NXPH1: variants seen among roughly 807,000 people sequenced by gnomAD.
NXPH1 encodes the protein neurexophilin-1.
A neutral mutation model predicts 23.7 loss-of-function variants in NXPH1; 5 were observed. The ratio of observed to expected loss-of-function variants is 0.21; its 90% CI spans 0.11 to 0.44. NXPH1 has a LOEUF of 0.44. NXPH1 is among the 20% of genes least tolerant of loss of function. The probability of loss-of-function intolerance (pLI) is 0.99; values close to 1 mark genes in which losing one functional copy is unlikely to be tolerated. For synonymous variants in NXPH1, 144 were observed against 122.2 expected, an observed-to-expected ratio of 1.18 and a Z score of -1.18; for missense variants, 324 against 321.6, an observed-to-expected ratio of 1.01 and a Z score of -0.06.
chr7:8,546,907 C>T (rs1425185082), intron 2 of NXPH1, among the ~76,000 whole-genome samples: 1 of 151,326 alleles, frequency 6.6e-6, no homozygotes, highest in Non-Finnish European at 1.5e-5. Context: ...TCTCTTTGAC[C>T]CTCAAATACT....
At chr7:8,577,822 T>G (rs1818784251) in intron 2 of NXPH1, among the ~76,000 whole-genome samples, 1 of 152,184 alleles carries the variant, frequency 6.6e-6, no homozygotes, top group Admixed American at 6.5e-5. Context: ...CTTGTTTCCT[T>G]GAATCACTTG....
chr7:8,465,117 C>T (rs144625142), intron 2 of NXPH1, among the ~76,000 whole-genome samples: 1 of 152,214 alleles, frequency 6.6e-6, no homozygotes, highest in African/African-American at 2.4e-5. Flanking sequence ...GAAAGGACAA[C>T]AGGAAAATTT....
At chr7:8,642,306 A>G (rs1212234544) in intron 2 of NXPH1, among the ~76,000 whole-genome samples, 1 of 152,232 alleles carries the variant, frequency 6.6e-6, no homozygotes, top group Non-Finnish European at 1.5e-5. Flanking sequence ...GTTGTCTTAC[A>G]GATTCCAATG....
chr7:8,680,992 C>A (rs1012123237), intron 2 of NXPH1, among the ~76,000 whole-genome samples: 4 of 152,204 alleles, frequency 2.6e-5, no homozygotes, highest in African/African-American at 9.6e-5. Context: ...TACAGATGAA[C>A]AAACTGAGGC....
intron 2 of NXPH1, among the ~76,000 whole-genome samples, chr7:8,731,818 A>G (rs1020839504): frequency 1.1e-4 from 17 of 152,326 alleles, no homozygotes; most frequent in Non-Finnish European, 1.6e-4. Context: ...TGCCCCAAGA[A>G]GTGGAGCCTA....
chr7:8,525,238 C>A (rs889557345), intron 2 of NXPH1, among the ~76,000 whole-genome samples: 1 of 152,088 alleles, frequency 6.6e-6, no homozygotes, highest in Non-Finnish European at 1.5e-5. Flanking sequence ...TTTGCCCATG[C>A]CCTAGAGATT....
chr7:8,670,965 G>T (rs558738044), intron 2 of NXPH1, among the ~76,000 whole-genome samples: 1 of 152,082 alleles, frequency 6.6e-6, no homozygotes, highest in African/African-American at 2.4e-5. Context: ...TACTTGGGAT[G>T]TACTCATCTG....
chr7:8,736,170 G>C (rs1205955907), intron 2 of NXPH1, among the ~76,000 whole-genome samples: 1 of 152,076 alleles, frequency 6.6e-6, no homozygotes, highest in Non-Finnish European at 1.5e-5. Context: ...TCTTCTGCTA[G>C]CTTTTGAATT....
chr7:8,662,981 C>G (rs1179834424), intron 2 of NXPH1, among the ~76,000 whole-genome samples: 1 of 151,992 alleles, frequency 6.6e-6, no homozygotes, highest in Non-Finnish European at 1.5e-5. Flanking sequence ...GATTATAACA[C>G]AGTAAGTGCT....
intron 2 of NXPH1, among the ~76,000 whole-genome samples, chr7:8,497,402 G>T (rs1264072115): frequency 6.6e-6 from 1 of 152,146 alleles, no homozygotes; most frequent in African/African-American, 2.4e-5. Flanking sequence ...GGGTCAAATG[G>T]TATTTCTAGT....
chr7:8,538,699 C>A lies in NXPH1; in HGVS notation c.54+102932C>A, dbSNP rs143462918. 3.4e-4 allele frequency among the ~76,000 whole-genome samples: 52 copies of A among 152,038 alleles called. No homozygotes were observed. In the East Asian group the frequency reaches 8.6e-3, roughly 25 times the overall value. On this transcript the variant is annotated intron_variant, in intron 2 of 2. Coordinates refer to ENST00000405863, the MANE Select transcript of NXPH1 (RefSeq NM_152745.3). ...CTCATTGCCTAGACAGAAGTTATTA[C>A]ACGTACTCTTGAAAGAAGACTTGGA...
chr7:8,628,368 G>T (rs1820040292), intron 2 of NXPH1, among the ~76,000 whole-genome samples: 1 of 124,510 alleles, frequency 8.0e-6, no homozygotes, highest in African/African-American at 3.4e-5. Flanking sequence ...TTATGCATAG[G>T]TGTTTTTTTT....
intron 2 of NXPH1, among the ~76,000 whole-genome samples, chr7:8,462,071 A>ACG (rs1816705721): frequency 3.3e-5 from 1 of 30,388 alleles, no homozygotes; most frequent in Non-Finnish European, 4.9e-5. Flanking sequence ...ATTTTTTGAG[A>ACG]GAGTCTCACT....
intron 2 of NXPH1, among the ~76,000 whole-genome samples, chr7:8,747,332 C>T (rs912448014): frequency 6.6e-6 from 1 of 152,212 alleles, no homozygotes; most frequent in Non-Finnish European, 1.5e-5. Context: ...GTTTGTCTGT[C>T]AGAGGAGTCT....
rs1159700789 is a variant in NXPH1 at position 8,435,257 on chromosome 7, G to A, written c.-110-347G>A. 6 of 225,668 alleles carry A rather than the reference G, an allele frequency of 2.7e-5. No individual in the cohort carries two copies. Among genetic ancestry groups the A allele is most frequent in the Non-Finnish European group, 4.4e-5 (5 of 113,948 alleles). 14.0% of individuals were successfully genotyped at this position (225,668 alleles called of 1,614,324 possible). On this transcript the variant is annotated intron_variant, in intron 1 of 2. Transcript: ENST00000405863. This position sits in a 1 kb window ranked among gnomAD's most constrained non-coding sequence, Gnocchi z 5.9. ...CCAGCCGCCGCCTTTAGTCCGAGCC[G>A]CCGGGCCACCCAACACAAGGGCAGG... is the stretch of plus-strand genomic sequence containing the variant.
rs1042467909 is a variant in NXPH1 at position 8,646,189 on chromosome 7, C to G, written c.55-104819C>G. On this transcript the variant is annotated intron_variant, in intron 2 of 2. Transcript: ENST00000405863. ...AGATTTTAACTTTTTCTATGATGAC[C>G]CTGTGTCACTTTTCTTAGATGTATT... is the stretch of plus-strand genomic sequence containing the variant. Among the ~76,000 whole-genome samples, 9 of 151,888 alleles carry G rather than the reference C, an allele frequency of 5.9e-5. 1 individual carries two copies. Among genetic ancestry groups the G allele is most frequent in the South Asian group, 4.2e-4 (2 of 4,814 alleles).
intron 2 of NXPH1, among the ~76,000 whole-genome samples, chr7:8,527,871 T>G (rs888303934): frequency 3.9e-5 from 6 of 152,166 alleles, no homozygotes; most frequent in Non-Finnish European, 8.8e-5. Context: ...AGAAGGAACA[T>G]GGGATGTGGA....
At chr7:8,523,591 C>G (rs940311917) in intron 2 of NXPH1, among the ~76,000 whole-genome samples, 6 of 152,150 alleles carry the variant, frequency 3.9e-5, no homozygotes, top group African/African-American at 1.4e-4. Context: ...TTTGGGGAAA[C>G]TTGGGTTAAG....
intron 2 of NXPH1, among the ~76,000 whole-genome samples, chr7:8,664,805 C>G (rs1346419632): frequency 6.6e-6 from 1 of 151,944 alleles, no homozygotes; most frequent in Non-Finnish European, 1.5e-5. Flanking sequence ...TTTTCATATA[C>G]TTCTTGGCCA....
Sources: gnomAD v4.1 joint callset for allele counts (sites outside exome capture counted in the v4.1 genomes callset) on GRCh38, gnomAD v4.1.1 for gene constraint, Gnocchi (gnomAD v3.1) non-coding constraint, MANE v1.5 for transcripts, NCBI Gene and HGNC (gene_info 2026-07-23, HGNC 2026-07-21) for gene names.